TBCD: variants seen among roughly 807,000 people sequenced by gnomAD.
The protein encoded by TBCD is tubulin-specific chaperone D.
Under a neutral mutation model 169.3 loss-of-function variants are expected in TBCD, and 105 were observed. The ratio of observed to expected loss-of-function variants is 0.62; its 90% CI spans 0.53 to 0.73. The LOEUF (loss-of-function observed/expected upper bound fraction) is 0.73, where lower values mean the gene tolerates loss of function less well. TBCD is among the 30% of genes least tolerant of loss of function. TBCD has a pLI of 0.00. For missense variants in TBCD, 1,444 were observed against 1,600.1 expected (o/e 0.90, Z 1.66); for synonymous variants, 700 against 643.9 (o/e 1.09, Z -1.32).
Position 82,920,423 on chromosome 17 carries a change from C to CA in TBCD, c.2039-132dup. ...GGTTCTGGGATGTTTCCAGCCCTGG[C>CA]AGCAGGGTAGGTTGGGCGGGTGAGG... On this transcript the variant is annotated intron_variant, in intron 23 of 38. Coordinates refer to ENST00000355528, the MANE Select transcript of TBCD (RefSeq NM_005993.5). This position sits in a 1 kb window ranked among gnomAD's most constrained non-coding sequence, Gnocchi z 4.1. 1 of 731,262 alleles carries CA rather than the reference C, an allele frequency of 1.4e-6. No individual in the cohort carries two copies. The highest frequency in any genetic ancestry group is 2.3e-6 in the Non-Finnish European group (1 of 437,308). The allele number at this position is 731,262 out of a possible 1,614,324, so 45.3% of individuals were successfully genotyped here.
chr17:82,889,774 C>G lies in TBCD; in HGVS notation c.1563+77C>G. The G allele has an allele frequency of 6.5e-7, 1 of 1,549,698 alleles. No homozygotes were observed. Among genetic ancestry groups the G allele is most frequent in the Non-Finnish European group, 8.9e-7 (1 of 1,129,468 alleles). ...GGTAGGAATCTTGAGAGCTATAACC[C>G]TGGTGTCTTCTCGCACTGTGAGATG... On this transcript the variant is annotated intron_variant, in intron 16 of 38. Transcript: ENST00000355528. This position sits in a 1 kb window ranked among gnomAD's most constrained non-coding sequence, Gnocchi z 5.3.
chr17:82,786,874 A>C (rs2049357301), intron 7 of TBCD, among the ~76,000 whole-genome samples: 1 of 116,810 alleles, frequency 8.6e-6, no homozygotes, highest in African/African-American at 3.4e-5. Context: ...GATTGTTCCC[A>C]AGTTTTCTGT....
intron 15 of TBCD, among the ~76,000 whole-genome samples, chr17:82,887,162 TGTGTGTGCGCGCGCGCGCAC>T (rs1276206079): frequency 5.6e-5 from 6 of 107,220 alleles, no homozygotes; most frequent in African/African-American, 2.6e-4. Flanking sequence ...TGTGTGTGTG[TGTGTGTGCGCGCGCGCGCAC>T]GTGCGCTCAC....
Position 82,941,397 on chromosome 17 carries a change from A to G in TBCD, c.3480-2A>G, listed in dbSNP as rs2063243833. 3 of 1,587,638 alleles carry G rather than the reference A, an allele frequency of 1.9e-6. No individual in the cohort carries two copies. The highest frequency in any genetic ancestry group is 2.3e-5 in the East Asian group (1 of 44,062). The stretch of plus-strand genomic sequence containing the variant: ...GACTCACGGCTCTCCCTCTCCTCAC[A>G]GGGACGCGGAGCTTGCAGTGGTGAG... On this transcript the variant is annotated splice_acceptor_variant, in intron 37 of 38. Transcript: ENST00000355528. LOFTEE classifies it high-confidence loss of function.
In TBCD at chr17:82,832,078, A is replaced by G; in HGVS notation, c.1318+17144A>G. 1.4e-5 allele frequency: 22 copies of G among 1,614,070 alleles called. No individual in the cohort carries two copies. Among genetic ancestry groups the G allele is most frequent in the Non-Finnish European group, 1.9e-5 (22 of 1,179,938 alleles). The stretch of plus-strand genomic sequence containing the variant: ...CCTGTGGAGGGCTGGCTTCTGTCCC[A>G]GGCACCTGTGGGTTCCCCGGGCTTG... On this transcript the variant is annotated intron_variant, in intron 13 of 38. Coordinates refer to ENST00000355528, the MANE Select transcript of TBCD (RefSeq NM_005993.5). This position sits in a 1 kb window ranked among gnomAD's most constrained non-coding sequence, Gnocchi z 4.9.
At chr17:82,837,434 T>G (rs2054084395) in intron 13 of TBCD, among the ~76,000 whole-genome samples, 1 of 152,196 alleles carries the variant, frequency 6.6e-6, no homozygotes, top group South Asian at 2.1e-4. Context: ...AATTTGGATT[T>G]GTATTTAGAG....
chr17:82,819,506 G>A (rs1410704115), intron 13 of TBCD, among the ~76,000 whole-genome samples: 1 of 150,644 alleles, frequency 6.6e-6, no homozygotes, highest in Admixed American at 6.6e-5. Context: ...AGTAGCCTGC[G>A]CAACAAAATG....
intron 13 of TBCD, among the ~76,000 whole-genome samples, chr17:82,841,722 G>A (rs887213534): frequency 5.3e-5 from 8 of 152,298 alleles, no homozygotes; most frequent in Admixed American, 5.2e-4. Flanking sequence ...AGGATATATT[G>A]TGTCAGGAGT....
chr17:82,932,310 A>G (rs182716980), intron 33 of TBCD, among the ~76,000 whole-genome samples: 119 of 152,272 alleles, frequency 7.8e-4, no homozygotes, highest in East Asian at 4.8e-3. Flanking sequence ...GCCCACCCCA[A>G]TTGCTGGGAG....
In TBCD at chr17:82,824,647, C is replaced by T. The variant is rs980054903; in HGVS notation, c.1318+9713C>T. ...GGCTGTGATTGCAGGTGTGCACCAC[C>T]GCCCCTGGCCATATTTTCTTGATCC... is the stretch of plus-strand genomic sequence containing the variant. On this transcript the variant is annotated intron_variant, in intron 13 of 38. Transcript: ENST00000355528. Among the ~76,000 whole-genome samples, 21 of 152,170 alleles carry T rather than the reference C, an allele frequency of 1.4e-4. No homozygotes were observed. In the South Asian group the frequency reaches 2.7e-3, roughly 20 times the overall value.
intron 15 of TBCD, among the ~76,000 whole-genome samples, chr17:82,887,168 T>TGCGC (rs113145269): frequency 7.8e-4 from 99 of 126,188 alleles, no homozygotes; most frequent in Middle Eastern, 4.0e-3. Context: ...TGTGTGTGTG[T>TGCGC]GCGCGCGCGC....
At chr17:82,771,774 C>T (rs1001015286) in intron 5 of TBCD, among the ~76,000 whole-genome samples, 3 of 152,002 alleles carry the variant, frequency 2.0e-5, no homozygotes, top group Non-Finnish European at 4.4e-5. Context: ...GAGCGAGACC[C>T]GGTCTCAAAA....
intron 15 of TBCD, among the ~76,000 whole-genome samples, chr17:82,888,775 TC>T (rs2058930686): frequency 6.6e-6 from 1 of 152,248 alleles, no homozygotes; most frequent in African/African-American, 2.4e-5. Flanking sequence ...CCAGCAGCCA[TC>T]GCTCAACCTT....
intron 11 of TBCD, 121 bp from the exon 12 acceptor site, chr17:82,809,587 G>T: frequency 9.5e-7 from 1 of 1,051,890 alleles, no homozygotes; most frequent in Non-Finnish European, 1.4e-6. Context: ...GCCTGGAGTT[G>T]GCCTCTTCTC....
intron 15 of TBCD, among the ~76,000 whole-genome samples, chr17:82,887,704 G>A (rs1197867278): frequency 6.6e-6 from 1 of 152,092 alleles, no homozygotes; most frequent in East Asian, 1.9e-4. Flanking sequence ...ATTCACGTTC[G>A]CACCACCACC....
At chr17:82,908,392 T>C (rs931348866) in intron 21 of TBCD, 2 of 455,992 alleles carry the variant, frequency 4.4e-6, no homozygotes, top group Non-Finnish European at 8.8e-6. Flanking sequence ...AGTGTGTTCA[T>C]CTTTCTGGGC....
chr17:82,855,445 T>A (rs1428655797), intron 13 of TBCD, among the ~76,000 whole-genome samples: 1 of 151,622 alleles, frequency 6.6e-6, no homozygotes. Flanking sequence ...TTTTTTTATC[T>A]TTTGAAGAGA....
At chr17:82,939,897 C>T (rs747869962) in intron 37 of TBCD, among the ~76,000 whole-genome samples, 3 of 152,204 alleles carry the variant, frequency 2.0e-5, no homozygotes, top group Admixed American at 6.5e-5. Flanking sequence ...GCTCTCCCCA[C>T]GCCTCTGCTC....
chr17:82,895,988 T>C (rs1001050407), intron 17 of TBCD: 10 of 152,170 alleles, frequency 6.6e-5, no homozygotes, highest in African/African-American at 2.2e-4. Flanking sequence ...GCATGTTCAA[T>C]AGGTACATTT....
Sources: allele counts gnomAD v4.1 joint callset (sites outside exome capture counted in the v4.1 genomes callset), GRCh38; gene constraint gnomAD v4.1.1; non-coding constraint Gnocchi (gnomAD v3.1); transcripts MANE v1.5; gene names NCBI Gene and HGNC (gene_info 2026-07-23, HGNC 2026-07-21).